The following BCL2L13 variants were observed in gnomAD, a reference collection of about 807,000 sequenced individuals.
BCL2L13 encodes bcl-2-like protein 13.
BCL2L13 carries 13 observed loss-of-function variants against 25.8 expected under a neutral mutation model. The observed-to-expected ratio is 0.50, with a 90% CI of 0.33 to 0.80. BCL2L13 has a LOEUF of 0.80. Ranked by LOEUF, BCL2L13 falls within the 30% of genes least tolerant of loss-of-function variation. The pLI is 0.02. For synonymous variants in BCL2L13, 244 were observed against 230.3 expected (o/e 1.06, Z -0.54); for missense variants, 504 against 574.9 (o/e 0.88, Z 1.26).
intron 3 of BCL2L13, among the ~76,000 whole-genome samples, chr22:17,684,131 T>C (rs1393414170): frequency 2.0e-5 from 3 of 152,072 alleles, no homozygotes; most frequent in African/African-American, 7.2e-5. Context: ...TACAGCTTTA[T>C]TGAGATATAT....
intron 1 of BCL2L13, among the ~76,000 whole-genome samples, chr22:17,631,846 T>G (rs2058036781): frequency 6.7e-6 from 1 of 148,934 alleles, no homozygotes. Flanking sequence ...CTCAGCCTCC[T>G]GTGTAGCTGG....
At chr22:17,648,825 C>T (rs2058580762) in intron 1 of BCL2L13, among the ~76,000 whole-genome samples, 1 of 152,124 alleles carries the variant, frequency 6.6e-6, no homozygotes, top group African/African-American at 2.4e-5. Flanking sequence ...AATTTGGAAA[C>T]TTAGTGATTT....
At chr22:17,720,154 TTTTC>T (rs113046030) in intron 6 of BCL2L13, among the ~76,000 whole-genome samples, 1,474 of 141,828 alleles carry the variant, frequency 0.01, 40 homozygotes, top group African/African-American at 0.037. Flanking sequence ...GTGGGTTTCA[TTTTC>T]TTTCTTTCTT....
At chr22:17,662,402 C>T (rs182778040) in intron 2 of BCL2L13, among the ~76,000 whole-genome samples, 14 of 152,236 alleles carry the variant, frequency 9.2e-5, no homozygotes, top group Non-Finnish European at 1.8e-4. Context: ...GGCGTGAACC[C>T]GGGAGGCAGA....
rs577486545 is a variant in BCL2L13 at position 17,696,199 on chromosome 22, G to A, written c.445G>A (p.Gly149Ser). ...CTLETTVHAS[G>S]WNKILVPLVL... The stretch of plus-strand genomic sequence containing the variant: ...ACTGGAGACCACAGTTCATGCCAGC[G>A]GCTGGAATAAGGTATCATCACAATG... Residue 149 changes from glycine to serine, a missense_variant, in exon 5 of 7, where the codon GGC (glycine) becomes AGC (serine). Coordinates refer to ENST00000317582, the MANE Select transcript of BCL2L13 (RefSeq NM_015367.4). The A allele has an allele frequency of 2.1e-5, 34 of 1,613,608 alleles. No individual in the cohort carries two copies. Among genetic ancestry groups the A allele is most frequent in the East Asian group, 2.2e-5 (1 of 44,862 alleles).
At chr22:17,678,475 G>A (rs1226675593) in intron 2 of BCL2L13, among the ~76,000 whole-genome samples, 1 of 152,052 alleles carries the variant, frequency 6.6e-6, no homozygotes, top group African/African-American at 2.4e-5. Context: ...AAGATGACGA[G>A]AGCACAGCCT....
At chr22:17,637,271 G>T (rs893771659), upstream of BCL2L13, among the ~76,000 whole-genome samples, 4 of 151,890 alleles carry the variant, frequency 2.6e-5, no homozygotes, top group Non-Finnish European at 1.5e-5. Flanking sequence ...GCTGGGCATG[G>T]TGGTGGGTGC....
chr22:17,649,871 CTTT>C (rs71201855), intron 1 of BCL2L13, among the ~76,000 whole-genome samples: 7 of 94,378 alleles, frequency 7.4e-5, no homozygotes, highest in South Asian at 6.9e-4. Flanking sequence ...TTTTTCTTTT[CTTT>C]TTTTTTTTTT....
chr22:17,630,520 C>T (rs1601414245), intron 1 of BCL2L13, among the ~76,000 whole-genome samples: 2 of 151,648 alleles, frequency 1.3e-5, no homozygotes, highest in African/African-American at 2.4e-5. Context: ...CCTCGTGATC[C>T]ACCTGCCTCG....
chr22:17,628,885 T>A (rs891461513), upstream of BCL2L13: 5 of 570,532 alleles, frequency 8.8e-6, no homozygotes, highest in Non-Finnish European at 1.6e-5. Flanking sequence ...TCCTTCTACG[T>A]CGCTGACTCG....
intron 2 of BCL2L13, among the ~76,000 whole-genome samples, chr22:17,662,494 A>G (rs1417068108): frequency 6.6e-6 from 1 of 151,888 alleles, no homozygotes; most frequent in Admixed American, 6.6e-5. Flanking sequence ...CAAACAAAAA[A>G]TTTACTGAAA....
chr22:17,724,418 CTG>C (rs1361228819), intron 6 of BCL2L13, among the ~76,000 whole-genome samples: 2 of 152,192 alleles, frequency 1.3e-5, no homozygotes, highest in Admixed American at 6.5e-5. Context: ...TTGTTTTTGA[CTG>C]TGAATTTTGT....
In BCL2L13 at chr22:17,655,731, T is replaced by C. The variant is rs773591868; in HGVS notation, c.20T>C (p.Val7Ala). The change falls in exon 2 of 7, where the codon GTG becomes GCG. Residue 7 changes from valine (V) to alanine (A), a missense_variant. Physicochemically the swap from Val to Ala is moderately conservative, Grantham distance 64 (BLOSUM62 0). Coordinates refer to ENST00000317582, the MANE Select transcript of BCL2L13 (RefSeq NM_015367.4). MASSST[V>A]PLGFHYETKY... ...AATTCAATGGCGTCCTCTTCTACTG[T>C]GCCTCTGGGATTTCACTATGAAACA... The C allele has an allele frequency of 3.7e-6, 6 of 1,613,382 alleles. No individual in the cohort carries two copies. The highest frequency in any genetic ancestry group is 5.1e-6 in the Non-Finnish European group (6 of 1,179,626).
At chr22:17,637,887 A>T (rs2058140151), upstream of BCL2L13, among the ~76,000 whole-genome samples, 1 of 152,128 alleles carries the variant, frequency 6.6e-6, no homozygotes, top group African/African-American at 2.4e-5. Context: ...TATAGTGTAC[A>T]ATTCAGTAGT....
At position 17,726,998 on chromosome 22, in the gene BCL2L13, G is replaced by A; in HGVS notation, c.922G>A (p.Val308Met). The change falls in exon 7 of 7, where the codon GTG becomes ATG. Residue 308 changes from valine (V) to methionine (M), a missense_variant. Coordinates refer to ENST00000317582, the MANE Select transcript of BCL2L13 (RefSeq NM_015367.4). ...GAACAACTCCTCTAATTCTGACATT[G>A]TGCACGTGGAGAAAGAAGAGGTGCC... ...SENNSSNSDI[V>M]HVEKEEVPEG... 1 of 1,614,200 alleles carries A rather than the reference G, an allele frequency of 6.2e-7. No individual in the cohort carries two copies.
chr22:17,651,507 G>A (rs1408983313), intron 1 of BCL2L13, among the ~76,000 whole-genome samples: 6 of 150,630 alleles, frequency 4.0e-5, no homozygotes, highest in African/African-American at 1.2e-4. Context: ...TCCGCCTCCC[G>A]AGTAGCTGGG....
chr22:17,669,897 G>A (rs1346865713), intron 2 of BCL2L13, among the ~76,000 whole-genome samples: 1 of 152,138 alleles, frequency 6.6e-6, no homozygotes, highest in Non-Finnish European at 1.5e-5. Flanking sequence ...CTCCAGAACT[G>A]TGAGAAATAA....
intron 1 of BCL2L13, among the ~76,000 whole-genome samples, chr22:17,630,575 G>C (rs1462099236): frequency 6.7e-6 from 1 of 149,056 alleles, no homozygotes; most frequent in Non-Finnish European, 1.5e-5. Context: ...ACTGCACCCG[G>C]CCTTCTTTTT....
chr22:17,692,607 G>A (rs1350105273), intron 4 of BCL2L13, among the ~76,000 whole-genome samples: 1 of 152,226 alleles, frequency 6.6e-6, no homozygotes, highest in African/African-American at 2.4e-5. Context: ...CAGGAAGATA[G>A]CATATGCTGT....
Sources: gnomAD v4.1 joint callset for allele counts (sites outside exome capture counted in the v4.1 genomes callset) on GRCh38, gnomAD v4.1.1 for gene constraint, MANE v1.5 for transcripts, NCBI Gene and HGNC (gene_info 2026-07-23, HGNC 2026-07-21) for gene names.